The following CEMIP2 variants were observed in gnomAD, a reference collection of about 807,000 sequenced individuals.
CEMIP2 encodes the protein cell migration inducing hyaluronidase 2, also known as cell surface hyaluronidase CEMIP2.
Under a neutral mutation model 146.9 loss-of-function variants are expected in CEMIP2, and 79 were observed. The ratio of observed to expected loss-of-function variants is 0.54; its 90% CI spans 0.45 to 0.65. The LOEUF (loss-of-function observed/expected upper bound fraction) is 0.65, where lower values mean the gene tolerates loss of function less well. CEMIP2 is among the 30% of genes least tolerant of loss of function. The pLI, the probability that CEMIP2 is intolerant of heterozygous loss-of-function variation, is 0.00. For missense variants in CEMIP2, 1,596 were observed against 1,696.2 expected, an observed-to-expected ratio of 0.94 and a Z score of 1.04; for synonymous variants, 601 against 606.3, an observed-to-expected ratio of 0.99 and a Z score of 0.13.
intron 1 of CEMIP2, among the ~76,000 whole-genome samples, chr9:71,755,638 A>G (rs185298428): frequency 3.9e-5 from 6 of 151,990 alleles, no homozygotes; most frequent in Non-Finnish European, 5.9e-5. Context: ...ACACCACACT[A>G]TCTCATCCAT....
At chr9:71,716,608 G>T in intron 13 of CEMIP2, 56 bp from the exon 14 acceptor site, 2 of 1,374,312 alleles carry the variant, frequency 1.5e-6, no homozygotes, top group Non-Finnish European at 2.0e-6. Flanking sequence ...TGTAAAAAGA[G>T]GTAATTCTCT....
intron 1 of CEMIP2, among the ~76,000 whole-genome samples, chr9:71,752,308 T>C (rs1164811596): frequency 1.3e-5 from 2 of 151,668 alleles, no homozygotes; most frequent in African/African-American, 4.9e-5. Context: ...TAAGGAAGTT[T>C]AAACTATACA....
chr9:71,696,368 G>T (rs961721973), intron 20 of CEMIP2, among the ~76,000 whole-genome samples: 1 of 151,804 alleles, frequency 6.6e-6, no homozygotes, highest in Admixed American at 6.6e-5. Context: ...GGTTGTTTTT[G>T]TTGTTGTTGG....
Position 71,740,252 on chromosome 9 carries a change from GT to G in CEMIP2, c.1035-21del, listed in dbSNP as rs1340258566. Reference sequence around the variant, plus strand: ...GCTTGCCTAGAAGGAAAAAGAGCATGTGCATTTGATTACTTGTCATGGTATT... The same window carrying G: ...GCTTGCCTAGAAGGAAAAAGAGCATGGCATTTGATTACTTGTCATGGTATT... On this transcript the variant is annotated intron_variant, in intron 4 of 23. Coordinates refer to ENST00000377044, the MANE Select transcript of CEMIP2 (RefSeq NM_013390.3). 6.2e-7 allele frequency: 1 copy of G among 1,609,612 alleles called. No homozygotes were observed. Among genetic ancestry groups the G allele is most frequent in the African/African-American group, 1.3e-5 (1 of 74,880 alleles).
chr9:71,743,019 G>A (rs1275194480), intron 4 of CEMIP2, among the ~76,000 whole-genome samples: 2 of 152,132 alleles, frequency 1.3e-5, no homozygotes, highest in Admixed American at 1.3e-4. Context: ...AGGAGTTTGA[G>A]ACCAGCCTGG....
intron 1 of CEMIP2, among the ~76,000 whole-genome samples, chr9:71,756,939 T>C (rs1236422820): frequency 6.6e-6 from 1 of 152,226 alleles, no homozygotes; most frequent in Admixed American, 6.5e-5. Flanking sequence ...AATGCTGTGA[T>C]CAAAGAGAAA....
At chr9:71,749,995 CTCTTT>C in intron 2 of CEMIP2, 43 bp downstream of exon 2, 3 of 1,495,928 alleles carry the variant, frequency 2.0e-6, no homozygotes, top group Non-Finnish European at 2.7e-6. Flanking sequence ...CTATTTCCTC[CTCTTT>C]TGTCTTCTAG....
In CEMIP2 at chr9:71,750,079, T is replaced by C; in HGVS notation, c.295A>G (p.Ile99Val). The change falls in exon 2 of 24, where the codon ATC (isoleucine) becomes GTC (valine). Residue 99 changes from isoleucine (I) to valine (V), a missense_variant. By Grantham distance (29) the Ile-to-Val change is conservative. Transcript: ENST00000377044. ...TSFSFFIALA[I>V]ILGISSKYAP... ...TATTTTGAGGATATTCCTAAAATGA[T>C]TGCAAGTGCAATAAAAAATGAGAAA... 5 of 1,611,932 alleles carry C rather than the reference T, an allele frequency of 3.1e-6. No individual in the cohort carries two copies. The highest frequency in any genetic ancestry group is 4.2e-6 in the Non-Finnish European group (5 of 1,178,842).
chr9:71,703,340 G>A (rs1292748235), intron 18 of CEMIP2, among the ~76,000 whole-genome samples: 1 of 152,188 alleles, frequency 6.6e-6, no homozygotes, highest in Non-Finnish European at 1.5e-5. Context: ...GGCACAGAGG[G>A]CCGCAGCAAG....
chr9:71,755,410 CAT>C (rs1824403537), intron 1 of CEMIP2, among the ~76,000 whole-genome samples: 1 of 149,002 alleles, frequency 6.7e-6, no homozygotes, highest in South Asian at 2.1e-4. Flanking sequence ...GTGGTGGTTC[CAT>C]GCCTGTAGCC....
chr9:71,716,952 G>T (rs764121856), intron 13 of CEMIP2, among the ~76,000 whole-genome samples: 2 of 152,158 alleles, frequency 1.3e-5, no homozygotes, highest in Admixed American at 6.5e-5. Context: ...CAGGAGAATC[G>T]CTTGAGCCCA....
Position 71,685,243 on chromosome 9 carries a change from C to T in CEMIP2, c.4106G>A (p.Arg1369His), listed in dbSNP as rs543843123. The T allele has an allele frequency of 8.3e-5, 134 of 1,613,470 alleles. 1 individual carries two copies. In the South Asian group the frequency reaches 9.2e-4, roughly 11 times the overall value. Reference sequence around the variant, plus strand: ...CTTTAGCAGTTCCAGGTCTCTTCTGCGGACAGTGGTGGCTCTGGGACAACC... The same window carrying T: ...CTTTAGCAGTTCCAGGTCTCTTCTGTGGACAGTGGTGGCTCTGGGACAACC... Reference protein sequence around the residue: ...EYGCPRATTVRRRDLELLKQA... With the variant: ...EYGCPRATTVHRRDLELLKQA... Residue 1369 changes from arginine to histidine, a missense_variant, in exon 24 of 24, where the codon CGC becomes CAC. Coordinates refer to ENST00000377044, the MANE Select transcript of CEMIP2 (RefSeq NM_013390.3).
At chr9:71,712,961 A>G (rs943135422) in intron 15 of CEMIP2, among the ~76,000 whole-genome samples, 1 of 152,222 alleles carries the variant, frequency 6.6e-6, no homozygotes, top group Non-Finnish European at 1.5e-5. Context: ...TCTCTATAGC[A>G]ACTAATTATT....
chr9:71,746,913 G>C (rs547481365), intron 2 of CEMIP2, among the ~76,000 whole-genome samples: 1 of 152,230 alleles, frequency 6.6e-6, no homozygotes, highest in South Asian at 2.1e-4. Context: ...AGTGGCTAAA[G>C]ACATAACTTC....
At chr9:71,705,921 C>T (rs1822720947) in intron 17 of CEMIP2, among the ~76,000 whole-genome samples, 1 of 152,018 alleles carries the variant, frequency 6.6e-6, no homozygotes, top group Non-Finnish European at 1.5e-5. Flanking sequence ...ACCTTTATCC[C>T]TCAGGTCATT....
At chr9:71,739,110 C>G (rs1032603667) in intron 5 of CEMIP2, among the ~76,000 whole-genome samples, 2 of 151,866 alleles carry the variant, frequency 1.3e-5, no homozygotes, top group Non-Finnish European at 2.9e-5. Context: ...GAACATGAGA[C>G]ATGAACAATA....
At chr9:71,694,103 A>T (rs1322245457) in intron 21 of CEMIP2, among the ~76,000 whole-genome samples, 1 of 27,602 alleles carries the variant, frequency 3.6e-5, no homozygotes, top group Non-Finnish European at 1.0e-4. Context: ...GTTTATTTTT[A>T]TTTATTTATT....
At chr9:71,694,945 T>A (rs911155805) in intron 20 of CEMIP2, among the ~76,000 whole-genome samples, 5 of 152,222 alleles carry the variant, frequency 3.3e-5, no homozygotes, top group Admixed American at 6.5e-5. Flanking sequence ...AAAGTTTTTT[T>A]CAGACCATGG....
chr9:71,706,238 A>AG (rs992778275), intron 17 of CEMIP2, among the ~76,000 whole-genome samples: 16 of 127,118 alleles, frequency 1.3e-4, no homozygotes, highest in Non-Finnish European at 2.2e-4. Context: ...TCAAAAAAAA[A>AG]GGAAAAAAAA....
Sources: gnomAD v4.1 joint callset for allele counts (sites outside exome capture counted in the v4.1 genomes callset) on GRCh38, gnomAD v4.1.1 for gene constraint, MANE v1.5 for transcripts, NCBI Gene and HGNC (gene_info 2026-07-23, HGNC 2026-07-21) for gene names.